Variants in ECHDC1 observed in about 807,000 individuals in gnomAD.
The protein encoded by ECHDC1 is ethylmalonyl-CoA decarboxylase 1.
In ECHDC1, 29 loss-of-function variants were observed where a neutral mutation model predicts 29.7. That is an observed-to-expected ratio of 0.98 (90% CI 0.73 to 1.33). The LOEUF (loss-of-function observed/expected upper bound fraction) is 1.33, where lower values mean the gene tolerates loss of function less well. Ranked by LOEUF, ECHDC1 falls within the 40% of genes most tolerant of loss-of-function variation. The pLI, the probability that ECHDC1 is intolerant of heterozygous loss-of-function variation, is 0.00. For missense variants in ECHDC1, 328 were observed against 350.0 expected, an observed-to-expected ratio of 0.94 and a Z score of 0.50; for synonymous variants, 126 against 123.1, an observed-to-expected ratio of 1.02 and a Z score of -0.15.
chr6:127,300,023 G>C lies in ECHDC1; in HGVS notation c.498-9746C>G, dbSNP rs543253306. ...GAGGTATGTAGTAAGCTGCACCCTA[G>C]ATGGTATCATTAGGTTTGTTTAGCT... On this transcript the variant is annotated intron_variant, in intron 5 of 5. Coordinates refer to ENST00000454859, the MANE Select transcript of ECHDC1 (RefSeq NM_001002030.2). Among the ~76,000 whole-genome samples the C allele has an allele frequency of 5.3e-5, 8 of 152,200 alleles. No individual in the cohort carries two copies. The South Asian group carries it at 1.7e-3, about 32-fold the overall frequency.
intron 5 of ECHDC1, among the ~76,000 whole-genome samples, chr6:127,303,262 TA>T (rs1212176713): frequency 9.8e-6 from 1 of 101,864 alleles, no homozygotes; most frequent in Non-Finnish European, 2.8e-5. Flanking sequence ...TATTATAGAA[TA>T]TTTAGCTTAT....
At chr6:127,295,206 C>G (rs192583296) in intron 5 of ECHDC1, among the ~76,000 whole-genome samples, 6 of 152,206 alleles carry the variant, frequency 3.9e-5, no homozygotes, top group Admixed American at 3.9e-4. Flanking sequence ...ACTTCGGCCT[C>G]CCAAAGTGCA....
At chr6:127,316,109 T>C (rs77607850) in intron 4 of ECHDC1, 5,887 of 474,474 alleles carry the variant, frequency 0.012, 57 homozygotes, top group Non-Finnish European at 0.017. Flanking sequence ...GTAAACTTTA[T>C]GTGTCATGTC....
chr6:127,331,104 G>T, intron 1 of ECHDC1, 74 bp from the exon 2 acceptor site: 1 of 1,160,174 alleles, frequency 8.6e-7, no homozygotes, highest in Non-Finnish European at 1.2e-6. Context: ...GTGTTAATAG[G>T]CTGTAGTAAT....
intron 1 of ECHDC1, among the ~76,000 whole-genome samples, chr6:127,339,862 C>T (rs2114716477): frequency 6.6e-6 from 1 of 152,076 alleles, no homozygotes. Context: ...GGGGGTGTGG[C>T]TACAAGTGAG....
intron 5 of ECHDC1, among the ~76,000 whole-genome samples, chr6:127,296,671 A>T (rs12203812): frequency 0.48 from 72,861 of 151,814 alleles, 19,841 homozygotes; most frequent in Non-Finnish European, 0.63. Flanking sequence ...ACCAAAAAAA[A>T]TTTTTTAATG....
intron 5 of ECHDC1, among the ~76,000 whole-genome samples, chr6:127,310,869 C>G (rs536319280): frequency 6.6e-6 from 1 of 152,086 alleles, no homozygotes; most frequent in East Asian, 1.9e-4. Context: ...TCAGGAAGCA[C>G]CACTCTGATC....
chr6:127,321,999 T>C (rs1373636982), intron 3 of ECHDC1, among the ~76,000 whole-genome samples: 1 of 151,414 alleles, frequency 6.6e-6, no homozygotes, highest in Non-Finnish European at 1.5e-5. Flanking sequence ...CCAGACTCCA[T>C]CTCAAAATAA....
intron 5 of ECHDC1, among the ~76,000 whole-genome samples, chr6:127,291,117 C>CA (rs1359892290): frequency 1.3e-5 from 2 of 151,956 alleles, no homozygotes; most frequent in African/African-American, 4.8e-5. Context: ...AAATGAGAAG[C>CA]ATACTTAACA....
At chr6:127,308,883 C>T (rs1308108445) in intron 5 of ECHDC1, among the ~76,000 whole-genome samples, 2 of 151,902 alleles carry the variant, frequency 1.3e-5, no homozygotes, top group Non-Finnish European at 2.9e-5. Context: ...AAATTAAATA[C>T]CTAGGAATTA....
At chr6:127,333,070 G>C (rs1164978613) in intron 1 of ECHDC1, among the ~76,000 whole-genome samples, 2 of 152,224 alleles carry the variant, frequency 1.3e-5, no homozygotes, top group African/African-American at 4.8e-5. Flanking sequence ...TGGGATTACA[G>C]GTGTGAGCCA....
chr6:127,340,772 T>A (rs1784870398), intron 1 of ECHDC1, among the ~76,000 whole-genome samples: 1 of 151,624 alleles, frequency 6.6e-6, no homozygotes, highest in African/African-American at 2.4e-5. Context: ...TCTGCCATAA[T>A]CCTCTGTTTA....
intron 5 of ECHDC1, among the ~76,000 whole-genome samples, chr6:127,307,253 G>A (rs1359989424): frequency 1.3e-5 from 2 of 152,038 alleles, no homozygotes; most frequent in Non-Finnish European, 2.9e-5. Context: ...GCATCTTAAA[G>A]AACTAGAAAA....
intron 4 of ECHDC1, chr6:127,315,145 C>T (rs2114618280): frequency 3.2e-6 from 2 of 627,968 alleles, no homozygotes; most frequent in East Asian, 3.3e-5. Context: ...CTCCCTGAAT[C>T]ATTATATATT....
chr6:127,303,688 T>C (rs1475305705), intron 5 of ECHDC1, among the ~76,000 whole-genome samples: 1 of 152,244 alleles, frequency 6.6e-6, no homozygotes, highest in Non-Finnish European at 1.5e-5. Flanking sequence ...CCTGAAGATC[T>C]AGCTAGGGTT....
At chr6:127,314,933 A>T (rs772427543) in intron 4 of ECHDC1, 37 bp from the exon 5 acceptor site, 1 of 1,549,034 alleles carries the variant, frequency 6.5e-7, no homozygotes, top group Admixed American at 1.7e-5. Flanking sequence ...TACTATTTTT[A>T]ATTTCAATAT....
chr6:127,324,768 ATGG>A (rs1291421826), intron 3 of ECHDC1, among the ~76,000 whole-genome samples: 1 of 152,200 alleles, frequency 6.6e-6, no homozygotes, highest in East Asian at 1.9e-4. Context: ...TGGGCTTCCA[ATGG>A]CCAAAGCTGG....
At chr6:127,331,819 A>G in intron 1 of ECHDC1, 3 of 985,186 alleles carry the variant, frequency 3.0e-6, no homozygotes, top group Non-Finnish European at 3.6e-6. Flanking sequence ...TATTCTTAGC[A>G]TTATTCTTAC....
At chr6:127,302,203 A>T (rs1290430391) in intron 5 of ECHDC1, among the ~76,000 whole-genome samples, 1 of 152,176 alleles carries the variant, frequency 6.6e-6, no homozygotes, top group Non-Finnish European at 1.5e-5. Context: ...TTTGTCCTAA[A>T]CCCTAACTAC....
Sources: gnomAD v4.1 joint callset for allele counts (sites outside exome capture counted in the v4.1 genomes callset) on GRCh38, gnomAD v4.1.1 for gene constraint, MANE v1.5 for transcripts, NCBI Gene and HGNC (gene_info 2026-07-23, HGNC 2026-07-21) for gene names.